The following IQSEC1 variants were observed in gnomAD, a reference collection of about 807,000 sequenced individuals.
IQSEC1 encodes the protein IQ motif and SEC7 domain-containing protein 1.
IQSEC1 carries 31 observed loss-of-function variants against 91.0 expected under a neutral mutation model. The ratio of observed to expected loss-of-function variants is 0.34; its 90% CI spans 0.26 to 0.46. The LOEUF (loss-of-function observed/expected upper bound fraction) is 0.46, where lower values mean the gene tolerates loss of function less well. IQSEC1 is among the 20% of genes least tolerant of loss of function. The probability of loss-of-function intolerance (pLI) is 1.00; values close to 1 mark genes in which losing one functional copy is unlikely to be tolerated. For synonymous variants in IQSEC1, 699 were observed against 662.6 expected, an observed-to-expected ratio of 1.05 and a Z score of -0.84; for missense variants, 1,388 against 1,575.6, an observed-to-expected ratio of 0.88 and a Z score of 2.02.
intron 1 of IQSEC1, among the ~76,000 whole-genome samples, chr3:13,220,541 G>A (rs756469732): frequency 3.3e-5 from 5 of 152,246 alleles, no homozygotes; most frequent in Admixed American, 6.5e-5. Context: ...TCCCAGGGAA[G>A]AGGACTCCCT....
At chr3:13,228,281 A>T (rs1023094605) in intron 1 of IQSEC1, among the ~76,000 whole-genome samples, 1 of 152,142 alleles carries the variant, frequency 6.6e-6, no homozygotes, top group Non-Finnish European at 1.5e-5. Context: ...AAGCCTCAAG[A>T]TCACTAAAGA....
Position 12,924,640 on chromosome 3 carries a change from C to T in IQSEC1, c.1671G>A (p.Arg557=). ...HFLLQRKGLS[R]QMIGEFLGNR... ...TGCCCAGGAACTCGCCGATCATCTGCCGGCTGAGGCCCTTGCGCTGCAGCA... is the reference window on the plus strand; with the variant it reads ...TGCCCAGGAACTCGCCGATCATCTGTCGGCTGAGGCCCTTGCGCTGCAGCA... Residue 557 remains arginine (R), a synonymous_variant, in exon 4 of 14, where the codon CGG becomes CGA. Transcript: ENST00000613206. The surrounding 1 kb of genome is among the most constrained non-coding windows in gnomAD (Gnocchi z 6.3). 5 of 1,611,052 alleles carry T rather than the reference C, an allele frequency of 3.1e-6. No individual in the cohort carries two copies. Among genetic ancestry groups the T allele is most frequent in the Non-Finnish European group, 4.2e-6 (5 of 1,178,520 alleles).
At position 12,924,054 on chromosome 3, in the gene IQSEC1, G is replaced by T. The variant is rs981701768; in HGVS notation, c.1730+527C>A. Among the ~76,000 whole-genome samples, 1 of 152,228 alleles carries T rather than the reference G, an allele frequency of 6.6e-6. No individual in the cohort carries two copies. The highest frequency in any genetic ancestry group is 2.4e-5 in the African/African-American group (1 of 41,462). ...GCCGGGAGAATGAGGCAGGGGCAGAGCGTGGCACGGGCCGCCCACGGGGAG... is the reference window on the plus strand; with the variant it reads ...GCCGGGAGAATGAGGCAGGGGCAGATCGTGGCACGGGCCGCCCACGGGGAG... On this transcript the variant is annotated intron_variant, in intron 4 of 13. Transcript: ENST00000613206. The surrounding 1 kb of genome is among the most constrained non-coding windows in gnomAD (Gnocchi z 6.3).
At chr3:13,090,300 G>T (rs1392542523) in intron 2 of IQSEC1, among the ~76,000 whole-genome samples, 1 of 152,042 alleles carries the variant, frequency 6.6e-6, no homozygotes, top group Non-Finnish European at 1.5e-5. Context: ...CCTACTGTTA[G>T]CACGCTAGCT....
At chr3:13,147,059 G>A (rs1024209491) in intron 2 of IQSEC1, among the ~76,000 whole-genome samples, 6 of 152,198 alleles carry the variant, frequency 3.9e-5, no homozygotes, top group Non-Finnish European at 7.3e-5. Flanking sequence ...CTGGGAGTAT[G>A]GTACCTCCCT....
intron 1 of IQSEC1, among the ~76,000 whole-genome samples, chr3:13,236,453 C>T (rs1431663576): frequency 2.0e-5 from 3 of 152,216 alleles, no homozygotes; most frequent in East Asian, 1.9e-4. Context: ...GCCCTGCTTT[C>T]GTTAGTGGGG....
At chr3:12,999,697 A>C (rs1437221437) in intron 1 of IQSEC1, among the ~76,000 whole-genome samples, 1 of 152,174 alleles carries the variant, frequency 6.6e-6, no homozygotes, top group Non-Finnish European at 1.5e-5. Flanking sequence ...GGCAACTCTC[A>C]GTTCCCATTG....
intron 1 of IQSEC1, among the ~76,000 whole-genome samples, chr3:13,062,363 T>C (rs1467803512): frequency 2.0e-5 from 3 of 152,226 alleles, no homozygotes; most frequent in African/African-American, 7.2e-5. Context: ...TCTGTCCTGA[T>C]GGCCACCCTG....
At chr3:13,168,337 C>T (rs944688398) in intron 1 of IQSEC1, among the ~76,000 whole-genome samples, 4 of 152,232 alleles carry the variant, frequency 2.6e-5, no homozygotes, top group African/African-American at 9.6e-5. Flanking sequence ...ATCGCTATCA[C>T]ATTTTTGCAT....
At chr3:13,007,383 C>T (rs1702682179) in intron 1 of IQSEC1, among the ~76,000 whole-genome samples, 1 of 152,202 alleles carries the variant, frequency 6.6e-6, no homozygotes, top group African/African-American at 2.4e-5. Context: ...GCTGTGGGCC[C>T]AGCTGCCCCT....
At chr3:12,923,212 G>A (rs973791507) in intron 4 of IQSEC1, among the ~76,000 whole-genome samples, 1 of 152,212 alleles carries the variant, frequency 6.6e-6, no homozygotes, top group Non-Finnish European at 1.5e-5. Context: ...CACTTCCTGA[G>A]GCCACTGCTA....
intron 1 of IQSEC1, among the ~76,000 whole-genome samples, chr3:12,948,811 A>G (rs1699350589): frequency 6.6e-6 from 1 of 152,228 alleles, no homozygotes; most frequent in Non-Finnish European, 1.5e-5. Context: ...AGGCACGGAA[A>G]GGTGGCACCC....
In IQSEC1 at chr3:13,205,210, C is replaced by A. The variant is rs78041835; in HGVS notation, c.273-41077G>T. ...TCCCACCCCATCCTGAACAGGAAGGCTACAGCAGCAAGCCGACGTGTTCAT... is the reference window on the plus strand; with the variant it reads ...TCCCACCCCATCCTGAACAGGAAGGATACAGCAGCAAGCCGACGTGTTCAT... On this transcript the variant is annotated intron_variant, in intron 1 of 15. Coordinates refer to the IQSEC1 transcript ENST00000648114. Among the ~76,000 whole-genome samples the A allele has an allele frequency of 1.4e-4, 22 of 152,196 alleles. 1 individual carries two copies. The East Asian group carries it at 4.2e-3, about 29-fold the overall frequency.
At chr3:13,199,990 C>T (rs1380213592) in intron 1 of IQSEC1, among the ~76,000 whole-genome samples, 1 of 151,040 alleles carries the variant, frequency 6.6e-6, no homozygotes, top group Non-Finnish European at 1.5e-5. Context: ...ACATATGCCA[C>T]ACATGCACAC....
chr3:13,213,414 G>A (rs1404642149), intron 1 of IQSEC1, among the ~76,000 whole-genome samples: 1 of 152,158 alleles, frequency 6.6e-6, no homozygotes, highest in East Asian at 1.9e-4. Flanking sequence ...TATTGATGAT[G>A]ACTGTTGGTT....
intron 2 of IQSEC1, among the ~76,000 whole-genome samples, chr3:13,090,049 A>G (rs1326526216): frequency 1.5e-5 from 2 of 135,210 alleles, no homozygotes; most frequent in Non-Finnish European, 3.3e-5. Flanking sequence ...CCCCGTCTCC[A>G]CTAAAAAATA....
At chr3:13,078,110 G>A (rs1405581097), upstream of IQSEC1, among the ~76,000 whole-genome samples, 1 of 152,204 alleles carries the variant, frequency 6.6e-6, no homozygotes, top group East Asian at 1.9e-4. Context: ...GGCCACGCTG[G>A]CTGGAGGAAG....
upstream of IQSEC1, among the ~76,000 whole-genome samples, chr3:13,075,468 G>A (rs1705548320): frequency 6.6e-6 from 1 of 152,208 alleles, no homozygotes; most frequent in South Asian, 2.1e-4. Context: ...GCGGAAACAG[G>A]CTCAGAGTGG....
In IQSEC1 at chr3:13,211,474, C is replaced by T. The variant is rs1694443191; in HGVS notation, c.273-47341G>A. ...CACCTTACAAACAAAGACCCCAACT[C>T]AGGGTCTCGGCTCTTCAGGCATCCA... On this transcript the variant is annotated intron_variant, in intron 1 of 15. Transcript: ENST00000648114. This position sits in a 1 kb window ranked among gnomAD's most constrained non-coding sequence, Gnocchi z 5.3. Among the ~76,000 whole-genome samples the T allele has an allele frequency of 2.0e-5, 3 of 152,034 alleles. No homozygotes were observed. The highest frequency in any genetic ancestry group is 4.4e-5 in the Non-Finnish European group (3 of 67,990).
Sources: gnomAD v4.1 joint callset for allele counts (sites outside exome capture counted in the v4.1 genomes callset) on GRCh38, gnomAD v4.1.1 for gene constraint, Gnocchi (gnomAD v3.1) non-coding constraint, MANE v1.5 for transcripts, NCBI Gene and HGNC (gene_info 2026-07-23, HGNC 2026-07-21) for gene names.